The following MRPS2 variants were observed in gnomAD, a reference collection of about 807,000 sequenced individuals.
The protein encoded by MRPS2 is mitochondrial ribosomal protein S2, also known as small ribosomal subunit protein uS2m.
A neutral mutation model predicts 18.9 loss-of-function variants in MRPS2; 13 were observed. That is an observed-to-expected ratio of 0.69 (90% confidence interval 0.45 to 1.09). The LOEUF (loss-of-function observed/expected upper bound fraction) is 1.09, where lower values mean the gene tolerates loss of function less well. Ranked by LOEUF, MRPS2 falls within the 50% of genes least tolerant of loss-of-function variation. The probability of loss-of-function intolerance (pLI) is 0.00; values close to 1 mark genes in which losing one functional copy is unlikely to be tolerated. For synonymous variants in MRPS2, 186 were observed against 178.4 expected, an observed-to-expected ratio of 1.04 and a Z score of -0.34; for missense variants, 389 against 421.7, an observed-to-expected ratio of 0.92 and a Z score of 0.68.
chr9:135,500,606 C>T (rs1831087179), upstream of MRPS2: 1 of 1,274,388 alleles, frequency 7.8e-7, no homozygotes, highest in Non-Finnish European at 1.0e-6. Flanking sequence ...GCTGTGGCTC[C>T]TCCGGGCCTG....
In MRPS2 at chr9:135,503,780, C is replaced by T. The variant is rs371330460; in HGVS notation, c.538C>T (p.Arg180Cys). 40 of 1,612,790 alleles carry T rather than the reference C, an allele frequency of 2.5e-5. 1 individual carries two copies. Among genetic ancestry groups the T allele is most frequent in the East Asian group, 1.8e-4 (8 of 44,900 alleles). Residue 180 changes from arginine (R) to cysteine (C), a missense_variant, in exon 4 of 4, where the codon CGC becomes TGC. Physicochemically the swap from Arg to Cys is radical, Grantham distance 180. Coordinates refer to ENST00000241600, the MANE Select transcript of MRPS2 (RefSeq NM_016034.5). ...CAGGGGCGGCATGCTGACCAACGCG[C>T]GCCTCCTCTTTGGCCCCACGGTCCG... Reference protein sequence around the residue: ...YFRGGMLTNARLLFGPTVRLP... With the variant: ...YFRGGMLTNACLLFGPTVRLP...
chr9:135,504,046 G>A lies in MRPS2; in HGVS notation c.804G>A (p.Glu268=), dbSNP rs1831228075. ...TRAKEKRQQV[E]ALYRLQGQKE... ...CCAAGGAGAAGCGGCAGCAGGTTGA[G>A]GCTCTCTATCGCCTGCAGGGCCAGA... is the stretch of plus-strand genomic sequence containing the variant. The change falls in exon 4 of 4, where the codon GAG becomes GAA. Residue 268 remains glutamate (E), a synonymous_variant. Transcript: ENST00000241600. This position sits in a 1 kb window ranked among gnomAD's most constrained non-coding sequence, Gnocchi z 4.3. 1 of 1,613,072 alleles carries A rather than the reference G, an allele frequency of 6.2e-7. No individual in the cohort carries two copies. The highest frequency in any genetic ancestry group is 1.7e-5 in the Admixed American group (1 of 60,008).
At position 135,504,036 on chromosome 9, in the gene MRPS2, A is replaced by G. The variant is rs767474585; in HGVS notation, c.794A>G (p.Gln265Arg). 3.1e-6 allele frequency: 5 copies of G among 1,613,202 alleles called. No individual in the cohort carries two copies. The highest frequency in any genetic ancestry group is 4.2e-6 in the Non-Finnish European group (5 of 1,180,038). The change falls in exon 4 of 4, where the codon CAG (glutamine) becomes CGG (arginine). Residue 265 changes from glutamine (Q) to arginine (R), a missense_variant. Transcript: ENST00000241600. The surrounding 1 kb of genome is among the most constrained non-coding windows in gnomAD (Gnocchi z 4.3). ...TAITRAKEKR[Q>R]QVEALYRLQG... ...ATCACCCGGGCCAAGGAGAAGCGGC[A>G]GCAGGTTGAGGCTCTCTATCGCCTG...
chr9:135,500,734 G>T lies in MRPS2; in HGVS notation c.24G>T (p.Leu8=), dbSNP rs1831091243. The change falls in exon 1 of 4, where the codon CTG becomes CTT. Residue 8 remains leucine (L), a synonymous_variant. Coordinates refer to ENST00000241600, the MANE Select transcript of MRPS2 (RefSeq NM_016034.5). ...CCATGGCGACATCCTCGGCCGCGCTGCCCCGAATACTCGGCGCGGGTGAGC... is the reference window on the plus strand; with the variant it reads ...CCATGGCGACATCCTCGGCCGCGCTTCCCCGAATACTCGGCGCGGGTGAGC... MATSSAA[L]PRILGAGARA... The T allele has an allele frequency of 1.3e-6, 2 of 1,486,652 alleles. No homozygotes were observed. The highest frequency in any genetic ancestry group is 8.9e-7 in the Non-Finnish European group (1 of 1,123,640). The allele number at this position is 1,486,652 out of a possible 1,614,324, so 92.1% of individuals were successfully genotyped here.
At position 135,501,521 on chromosome 9, in the gene MRPS2, G is replaced by A. The variant is rs376406651; in HGVS notation, c.170-323G>A. On this transcript the variant is annotated intron_variant, in intron 2 of 3. Coordinates refer to ENST00000241600, the MANE Select transcript of MRPS2 (RefSeq NM_016034.5). Reference sequence around the variant, plus strand: ...GGCTGGCCACCTGAGACCACAAGGCGGGGAGGTGCCAGAAAGACCTGAGCA... The same window carrying A: ...GGCTGGCCACCTGAGACCACAAGGCAGGGAGGTGCCAGAAAGACCTGAGCA... The A allele has an allele frequency of 9.7e-6, 8 of 821,772 alleles. No homozygotes were observed. The East Asian group carries it at 1.5e-4, about 15-fold the overall frequency. 50.9% of individuals were successfully genotyped at this position (821,772 alleles called of 1,614,324 possible). A position where few individuals can be genotyped will look rare whatever the true frequency, so the allele number is the denominator to read the frequency against.
rs756439248 is a variant in MRPS2, at chr9:135,504,277, G to T, written c.*144G>T. 1.6e-5 allele frequency: 13 copies of T among 807,538 alleles called. No homozygotes were observed. The highest frequency in any genetic ancestry group is 2.3e-5 in the Non-Finnish European group (12 of 526,066). The allele number at this position is 807,538 out of a possible 1,614,324, so 50.0% of individuals were successfully genotyped here. Reference sequence around the variant, plus strand: ...TGCAGACATCCACCGTTCCACCACAGAACCAGTGGCTGAGCGGACCAACGT... The same window carrying T: ...TGCAGACATCCACCGTTCCACCACATAACCAGTGGCTGAGCGGACCAACGT... On this transcript the variant is annotated 3_prime_UTR_variant, in exon 4 of 4. Coordinates refer to ENST00000241600, the MANE Select transcript of MRPS2 (RefSeq NM_016034.5). This position sits in a 1 kb window ranked among gnomAD's most constrained non-coding sequence, Gnocchi z 4.3.
At position 135,503,617 on chromosome 9, in the gene MRPS2, C is replaced by T; in HGVS notation, c.375C>T (p.Leu125=). The part of the protein sequence containing the change: ...IIDLEQTATH[L]QLALNFTAHM... ...ACCTGGAACAGACAGCCACGCACCTCCAGCTGGCCTTGAACTTCACCGCCC... is the reference window on the plus strand; with the variant it reads ...ACCTGGAACAGACAGCCACGCACCTTCAGCTGGCCTTGAACTTCACCGCCC... The change falls in exon 4 of 4, where the codon CTC becomes CTT. Residue 125 remains leucine, a synonymous_variant. Transcript: ENST00000241600. The T allele has an allele frequency of 6.2e-7, 1 of 1,613,846 alleles. No individual in the cohort carries two copies. Among genetic ancestry groups the T allele is most frequent in the Non-Finnish European group, 8.5e-7 (1 of 1,180,042 alleles).
chr9:135,501,596 G>A, intron 2 of MRPS2: 1 of 1,256,152 alleles, frequency 8.0e-7, no homozygotes, highest in Non-Finnish European at 1.0e-6. Flanking sequence ...GTAAGACCAA[G>A]GGACGGGGTT....
intron 3 of MRPS2, 116 bp from the exon 4 acceptor site, chr9:135,503,426 A>G: frequency 7.2e-7 from 1 of 1,391,540 alleles, no homozygotes; most frequent in African/African-American, 1.5e-5. Flanking sequence ...CCCAGCCCAT[A>G]GTGCCCCCAC....
chr9:135,500,013 G>A, upstream of MRPS2: 1 of 819,424 alleles, frequency 1.2e-6, no homozygotes, highest in South Asian at 2.0e-5. Context: ...CAAGGGCCGG[G>A]AAGGTCGGGA....
In MRPS2 at chr9:135,504,560, G is replaced by A. The variant is rs1050793822; in HGVS notation, c.*427G>A. 1 of 173,254 alleles carries A rather than the reference G, an allele frequency of 5.8e-6. No homozygotes were observed. Among genetic ancestry groups the A allele is most frequent in the South Asian group, 1.7e-4 (1 of 6,004 alleles). 10.7% of individuals were successfully genotyped at this position (173,254 alleles called of 1,614,324 possible). On this transcript the variant is annotated 3_prime_UTR_variant, in exon 4 of 4. Coordinates refer to ENST00000241600, the MANE Select transcript of MRPS2 (RefSeq NM_016034.5). This position sits in a 1 kb window ranked among gnomAD's most constrained non-coding sequence, Gnocchi z 4.3. ...CTACCTGGTTCCAGGGGGCTGTTTT[G>A]TAATGAGATGCTGCTGGCAGGCCAC...
At position 135,504,293 on chromosome 9, in the gene MRPS2, G is replaced by T; in HGVS notation, c.*160G>T. ...TCCACCACAGAACCAGTGGCTGAGC[G>T]GACCAACGTTGCCATGTGCGTTTGC... On this transcript the variant is annotated 3_prime_UTR_variant, in exon 4 of 4. Coordinates refer to ENST00000241600, the MANE Select transcript of MRPS2 (RefSeq NM_016034.5). This position sits in a 1 kb window ranked among gnomAD's most constrained non-coding sequence, Gnocchi z 4.3. The T allele has an allele frequency of 1.4e-6, 1 of 706,150 alleles. No individual in the cohort carries two copies. Among genetic ancestry groups the T allele is most frequent in the Non-Finnish European group, 2.3e-6 (1 of 433,634 alleles). 43.7% of individuals were successfully genotyped at this position (706,150 alleles called of 1,614,324 possible).
At chr9:135,500,205 C>T, upstream of MRPS2, 1 of 328,966 alleles carries the variant, frequency 3.0e-6, no homozygotes. Flanking sequence ...CGGCAGGCAA[C>T]GATTGGACTT....
chr9:135,503,513 C>T, intron 3 of MRPS2, 29 bp from the exon 4 acceptor site: 1 of 1,595,544 alleles, frequency 6.3e-7, no homozygotes, highest in Non-Finnish European at 8.6e-7. Flanking sequence ...GAACTCTCAT[C>T]CCCCTTGCCT....
intron 1 of MRPS2, 96 bp downstream of exon 1, chr9:135,500,849 C>G: frequency 6.7e-7 from 1 of 1,494,578 alleles, no homozygotes; most frequent in Non-Finnish European, 8.9e-7. Flanking sequence ...TGGAGGGGAC[C>G]CGGGGCGAGC....
Position 135,502,000 on chromosome 9 carries a change from G to A in MRPS2, c.299+27G>A, listed in dbSNP as rs764907254. The A allele has an allele frequency of 9.9e-6, 16 of 1,612,616 alleles. No individual in the cohort carries two copies. The African/African-American group carries it at 1.9e-4, about 19-fold the overall frequency. On this transcript the variant is annotated intron_variant, in intron 3 of 3. Transcript: ENST00000241600. ...TAGGTGACACCCCCATCTGAGCCCGGGGCGGTTCCCAGGAGGAACCTGGGA... is the reference window on the plus strand; with the variant it reads ...TAGGTGACACCCCCATCTGAGCCCGAGGCGGTTCCCAGGAGGAACCTGGGA...
In MRPS2 at chr9:135,504,211, G is replaced by A. The variant is rs576517786; in HGVS notation, c.*78G>A. On this transcript the variant is annotated 3_prime_UTR_variant, in exon 4 of 4. Transcript: ENST00000241600. This position sits in a 1 kb window ranked among gnomAD's most constrained non-coding sequence, Gnocchi z 4.3. Reference sequence around the variant, plus strand: ...TCCCCTTCCCCAGCCCTGGGTCAGCGGCATCCTCAGTCGTTGTTACTTACT... The same window carrying A: ...TCCCCTTCCCCAGCCCTGGGTCAGCAGCATCCTCAGTCGTTGTTACTTACT... 5.5e-6 allele frequency: 7 copies of A among 1,281,492 alleles called. No individual in the cohort carries two copies. Among genetic ancestry groups the A allele is most frequent in the African/African-American group, 4.5e-5 (3 of 66,654 alleles). The allele number at this position is 1,281,492 out of a possible 1,614,324, so 79.4% of individuals were successfully genotyped here.
intron 2 of MRPS2, 177 bp from the exon 3 acceptor site, chr9:135,501,667 T>C: frequency 7.0e-7 from 1 of 1,421,216 alleles, no homozygotes; most frequent in Non-Finnish European, 9.2e-7. Context: ...GCTCCAGCCC[T>C]CTGTTTCCTG....
At chr9:135,500,583 G>T, upstream of MRPS2, 2 of 1,083,348 alleles carry the variant, frequency 1.8e-6, no homozygotes, top group South Asian at 4.2e-5. Flanking sequence ...GGTCCCAGCC[G>T]CCTGGGGACA....
Sources: allele counts gnomAD v4.1 joint callset, GRCh38; gene constraint gnomAD v4.1.1; non-coding constraint Gnocchi (gnomAD v3.1); transcripts MANE v1.5; gene names NCBI Gene and HGNC (gene_info 2026-07-23, HGNC 2026-07-21).